Variants in INPP4A observed in about 807,000 individuals in gnomAD.
INPP4A encodes inositol polyphosphate-4-phosphatase, type I, 107kD.
INPP4A carries 33 observed loss-of-function variants against 119.8 expected under a neutral mutation model. The ratio of observed to expected loss-of-function variants is 0.28; its 90% CI spans 0.21 to 0.37. INPP4A has a LOEUF of 0.37. INPP4A is among the 10% of genes least tolerant of loss of function. INPP4A has a pLI of 1.00. For synonymous variants in INPP4A, 496 were observed against 500.7 expected (o/e 0.99, Z 0.12); for missense variants, 956 against 1,289.9 (o/e 0.74, Z 3.97).
chr2:98,563,749 T>G, intron 18 of INPP4A, 112 bp downstream of exon 18: 75 of 976,272 alleles, frequency 7.7e-5, no homozygotes, highest in Non-Finnish European at 9.7e-5. Flanking sequence ...CAGATGGCCA[T>G]ATTTCCTCCT....
Position 98,566,133 on chromosome 2 carries a change from A to C in INPP4A, c.2384A>C (p.Asn795Thr). ...CTGCGAGTGCAGCCCGTCCTCTTCA[A>C]CGTGGGCATCAATGAGCAGCAGACA... ...MLLRVQPVLFNVGINEQQTLA... is the reference protein window; with the variant it reads ...MLLRVQPVLFTVGINEQQTLA... The change falls in exon 21 of 25, where the codon AAC becomes ACC. Residue 795 changes from asparagine to threonine, a missense_variant. Physicochemically the swap from Asn to Thr is moderately conservative, Grantham distance 65 (BLOSUM62 0). Coordinates refer to ENST00000409851, the MANE Select transcript of INPP4A (RefSeq NM_001134225.2). The surrounding 1 kb of genome is among the most constrained non-coding windows in gnomAD (Gnocchi z 4.2). The C allele has an allele frequency of 6.3e-7, 1 of 1,598,446 alleles. No homozygotes were observed. The highest frequency in any genetic ancestry group is 1.7e-5 in the Admixed American group (1 of 58,594).
At position 98,592,029 on chromosome 2, in the gene INPP4A, G is replaced by A. The variant is rs1700426213; in HGVS notation, c.*4421G>A. On this transcript the variant is annotated 3_prime_UTR_variant, in exon 25 of 25. Transcript: ENST00000409851. ...GGGAGAAGAGCTGTTCTGTGTATAG[G>A]GGTATTGGGAACACATGGACAGAAG... The A allele has an allele frequency of 6.6e-6, 1 of 152,150 alleles. No individual in the cohort carries two copies. Among genetic ancestry groups the A allele is most frequent in the Non-Finnish European group, 1.5e-5 (1 of 68,052 alleles). 9.4% of individuals were successfully genotyped at this position (152,150 alleles called of 1,614,324 possible). A position where few individuals can be genotyped will look rare whatever the true frequency, so the allele number is the denominator to read the frequency against.
chr2:98,582,361 A>T (rs771837189), intron 24 of INPP4A, among the ~76,000 whole-genome samples: 8 of 152,258 alleles, frequency 5.3e-5, no homozygotes, highest in Non-Finnish European at 1.2e-4. Flanking sequence ...CCAATTAAGG[A>T]TGACACAAAG....
At chr2:98,533,319 A>G in intron 4 of INPP4A, 58 bp from the exon 5 acceptor site, 1 of 1,113,248 alleles carries the variant, frequency 9.0e-7, no homozygotes, top group Non-Finnish European at 1.4e-6. Flanking sequence ...TTTGGAACAG[A>G]AAACTAATCA....
intron 1 of INPP4A, among the ~76,000 whole-genome samples, chr2:98,464,558 C>G (rs1282367673): frequency 1.3e-5 from 2 of 152,196 alleles, no homozygotes; most frequent in African/African-American, 4.8e-5. Flanking sequence ...TCTTCTTCTG[C>G]CATGTCTGCC....
In INPP4A at chr2:98,548,161, C is replaced by T. The variant is rs186667825; in HGVS notation, c.1163+1467C>T. Among the ~76,000 whole-genome samples the T allele has an allele frequency of 7.9e-5, 12 of 152,222 alleles. 1 individual carries two copies. In the East Asian group the frequency reaches 2.1e-3, roughly 27 times the overall value. On this transcript the variant is annotated intron_variant, in intron 13 of 24. Coordinates refer to ENST00000409851, the MANE Select transcript of INPP4A (RefSeq NM_001134225.2). ...GAAGAGCGTACCCTGTGAGAAGTCA[C>T]CATTCAGATACGTGCACAGGCTGCC...
chr2:98,509,115 T>TA (rs1684652498), intron 1 of INPP4A, among the ~76,000 whole-genome samples: 1 of 152,172 alleles, frequency 6.6e-6, no homozygotes. Flanking sequence ...TCATCTTTGT[T>TA]ACACTTTGTG....
rs755467240 is a variant in INPP4A at position 98,546,635 on chromosome 2, A to T, written c.1104A>T (p.Gln368His). Residue 368 changes from glutamine to histidine, a missense_variant, in exon 13 of 25, where the codon CAA (glutamine) becomes CAT (histidine). Physicochemically the swap from Gln to His is conservative, Grantham distance 24. Transcript: ENST00000409851. This position sits in a 1 kb window ranked among gnomAD's most constrained non-coding sequence, Gnocchi z 4.2. ...TTGGGGCGCCAGCAGCACACTGCCA[A>T]GGTTTTAAGTCAGGAGGTCTCCGCA... ...VTIGAPAAHCQGFKSGGLRKK... is the reference protein window; with the variant it reads ...VTIGAPAAHCHGFKSGGLRKK... The T allele has an allele frequency of 6.2e-7, 1 of 1,614,008 alleles. No individual in the cohort carries two copies. Among genetic ancestry groups the T allele is most frequent in the Non-Finnish European group, 8.5e-7 (1 of 1,179,844 alleles).
At chr2:98,586,101 C>A (rs1009269382) in intron 24 of INPP4A, among the ~76,000 whole-genome samples, 38 of 152,218 alleles carry the variant, frequency 2.5e-4, no homozygotes, top group Middle Eastern at 3.2e-3. Context: ...AGGGGGCCTC[C>A]TGTGGCCTAG....
At chr2:98,475,270 C>A (rs901497186) in intron 1 of INPP4A, among the ~76,000 whole-genome samples, 34 of 152,040 alleles carry the variant, frequency 2.2e-4, no homozygotes, top group African/African-American at 7.7e-4. Context: ...GCCAGGAGAT[C>A]CATCCTGGGT....
intron 1 of INPP4A, among the ~76,000 whole-genome samples, chr2:98,468,701 A>G (rs1049858112): frequency 6.6e-6 from 1 of 152,124 alleles, no homozygotes; most frequent in Non-Finnish European, 1.5e-5. Context: ...TTGATCCTGA[A>G]ACCAGTGAGA....
At chr2:98,451,511 C>A (rs528548944) in intron 1 of INPP4A, among the ~76,000 whole-genome samples, 1 of 152,138 alleles carries the variant, frequency 6.6e-6, no homozygotes, top group African/African-American at 2.4e-5. Context: ...AGCGCTTTCC[C>A]TGAGACACCT....
intron 10 of INPP4A, among the ~76,000 whole-genome samples, chr2:98,541,914 G>A (rs964580341): frequency 4.6e-5 from 7 of 152,208 alleles, no homozygotes; most frequent in African/African-American, 1.7e-4. Context: ...AAGTGCTTTA[G>A]TTCAAGGGTT....
intron 1 of INPP4A, among the ~76,000 whole-genome samples, chr2:98,477,760 C>T (rs1045898045): frequency 1.3e-5 from 2 of 152,240 alleles, no homozygotes; most frequent in Non-Finnish European, 2.9e-5. Flanking sequence ...TTACCTCTCC[C>T]TGCCCTGTGT....
chr2:98,517,224 T>G (rs1349947363), intron 1 of INPP4A, among the ~76,000 whole-genome samples: 2 of 152,222 alleles, frequency 1.3e-5, no homozygotes, highest in African/African-American at 4.8e-5. Flanking sequence ...TTGACGTTGT[T>G]TCTGAGACTC....
intron 1 of INPP4A, among the ~76,000 whole-genome samples, chr2:98,514,601 T>C (rs1685755053): frequency 6.6e-6 from 1 of 152,076 alleles, no homozygotes; most frequent in African/African-American, 2.4e-5. Context: ...TAATTATGTC[T>C]ATAATGAAGC....
chr2:98,551,779 A>T (rs1236674390), intron 13 of INPP4A, among the ~76,000 whole-genome samples: 1 of 152,244 alleles, frequency 6.6e-6, no homozygotes, highest in African/African-American at 2.4e-5. Context: ...CCCAGAGCTC[A>T]CAATTTCAAA....
chr2:98,510,202 G>A (rs1684865292), intron 1 of INPP4A, among the ~76,000 whole-genome samples: 2 of 152,194 alleles, frequency 1.3e-5, no homozygotes, highest in African/African-American at 4.8e-5. Context: ...AGAGCTAATA[G>A]AGTTGTCAAT....
At chr2:98,452,651 C>G (rs984235009) in intron 1 of INPP4A, among the ~76,000 whole-genome samples, 6 of 152,206 alleles carry the variant, frequency 3.9e-5, no homozygotes, top group Non-Finnish European at 5.9e-5. Context: ...CCCTGCCCCC[C>G]ATTCGCCAGC....
Sources: allele counts gnomAD v4.1 joint callset (sites outside exome capture counted in the v4.1 genomes callset), GRCh38; gene constraint gnomAD v4.1.1; non-coding constraint Gnocchi (gnomAD v3.1); transcripts MANE v1.5; gene names NCBI Gene and HGNC (gene_info 2026-07-23, HGNC 2026-07-21).